DYNC2H1: variants seen among roughly 807,000 people sequenced by gnomAD.
DYNC2H1 encodes the protein cytoplasmic dynein 2 heavy chain 1.
In DYNC2H1, 410 loss-of-function variants were observed where a neutral mutation model predicts 570.0. The observed-to-expected ratio is 0.72, with a 90% CI of 0.66 to 0.78. The LOEUF is 0.78. Ranked by LOEUF, DYNC2H1 falls within the 30% of genes least tolerant of loss-of-function variation. The pLI is 0.00. For missense variants in DYNC2H1, 4,865 were observed against 5,046.4 expected, an observed-to-expected ratio of 0.96 and a Z score of 1.09; for synonymous variants, 1,688 against 1,677.6, an observed-to-expected ratio of 1.01 and a Z score of -0.15.
Position 103,189,193 on chromosome 11 carries a change from G to A in DYNC2H1, c.7293-479G>A, listed in dbSNP as rs114437496. On this transcript the variant is annotated intron_variant, in intron 44 of 88. Coordinates refer to ENST00000375735, the MANE Select transcript of DYNC2H1 (RefSeq NM_001377.3). The surrounding 1 kb of genome is among the most constrained non-coding windows in gnomAD (Gnocchi z 4.3). The stretch of plus-strand genomic sequence containing the variant: ...TTATTTGTATACTTTTGTGCTAATT[G>A]TACTCCATCAATTAAACTTTTTTTT... Among the ~76,000 whole-genome samples the A allele has an allele frequency of 2.0e-5, 3 of 151,510 alleles. No individual in the cohort carries two copies.
Position 103,451,324 on chromosome 11 carries a change from C to CTTTTTTTTT in DYNC2H1, c.12457-3843_12457-3835dup, listed in dbSNP as rs34032894. Among the ~76,000 whole-genome samples, 91 of 71,036 alleles carry CTTTTTTTTT rather than the reference C, an allele frequency of 1.3e-3. 9 individuals are homozygous for CTTTTTTTTT. The highest frequency in any genetic ancestry group is 2.4e-3 in the African/African-American group (36 of 14,836). The allele number at this position is 71,036 out of a possible 152,430, so 46.6% of individuals were successfully genotyped here. A position where few individuals can be genotyped will look rare whatever the true frequency, so the allele number is the denominator to read the frequency against. On this transcript the variant is annotated intron_variant, in intron 85 of 88. Transcript: ENST00000375735. ...AGAAATGAATCACTGAGTAAAAGGG[C>CTTTTTTTTT]TTTTTTTTTTTTTTTTTTTTTTTTT...
chr11:103,455,124 T>G, intron 85 of DYNC2H1, 62 bp from the exon 86 acceptor site: 1 of 1,227,148 alleles, frequency 8.1e-7, no homozygotes, highest in Non-Finnish European at 1.2e-6. Flanking sequence ...GAAAATGACT[T>G]AAGTCTTTAA....
chr11:103,145,918 T>C lies in DYNC2H1; in HGVS notation c.2703-1854T>C, dbSNP rs1466711894. 6.6e-6 allele frequency among the ~76,000 whole-genome samples: 1 copy of C among 152,230 alleles called. No homozygotes were observed. Among genetic ancestry groups the C allele is most frequent in the East Asian group, 1.9e-4 (1 of 5,198 alleles). ...GCACTCCGTAGTTAGTGAGTAAAAC[T>C]TCTTTGCTGTAATTAGATCACTTTA... On this transcript the variant is annotated intron_variant, in intron 18 of 88. Transcript: ENST00000375735. The surrounding 1 kb of genome is among the most constrained non-coding windows in gnomAD (Gnocchi z 4.2).
intron 82 of DYNC2H1, among the ~76,000 whole-genome samples, chr11:103,333,658 A>T (rs1938949604): frequency 6.6e-6 from 1 of 152,220 alleles, no homozygotes; most frequent in South Asian, 2.1e-4. Context: ...ATATGGGTGC[A>T]CATGACTATT....
At position 103,268,936 on chromosome 11, in the gene DYNC2H1, G is replaced by A. The variant is rs1865602339; in HGVS notation, c.10695+8959G>A. Among the ~76,000 whole-genome samples, 1 of 152,002 alleles carries A rather than the reference G, an allele frequency of 6.6e-6. No homozygotes were observed. The highest frequency in any genetic ancestry group is 2.1e-4 in the South Asian group (1 of 4,826). On this transcript the variant is annotated intron_variant, in intron 70 of 88. Transcript: ENST00000375735. This position sits in a 1 kb window ranked among gnomAD's most constrained non-coding sequence, Gnocchi z 4.6. The stretch of plus-strand genomic sequence containing the variant: ...TGTCATATTTTATAATGTAATTTGG[G>A]AAGGATAAAATGATTTAATATATTA...
In DYNC2H1 at chr11:103,127,133, T is replaced by C. The variant is rs145030021; in HGVS notation, c.1858-1777T>C. Among the ~76,000 whole-genome samples, 849 of 152,274 alleles carry C rather than the reference T, an allele frequency of 5.6e-3. 15 individuals carry two copies. Among genetic ancestry groups the C allele is most frequent in the Middle Eastern group, 6.8e-3 (2 of 294 alleles). On this transcript the variant is annotated intron_variant, in intron 12 of 88. Coordinates refer to ENST00000375735, the MANE Select transcript of DYNC2H1 (RefSeq NM_001377.3). ...TGATGTGAGTCTGGAAGAGTGTACA[T>C]ATGTTTTTCTCAAGTACACAGAGGG...
At chr11:103,345,342 T>C (rs186374440) in intron 82 of DYNC2H1, among the ~76,000 whole-genome samples, 6 of 152,318 alleles carry the variant, frequency 3.9e-5, no homozygotes, top group South Asian at 4.1e-4. Context: ...GTCTCCCTAC[T>C]GCATAAGCTC....
intron 82 of DYNC2H1, among the ~76,000 whole-genome samples, chr11:103,349,224 G>A (rs1018588430): frequency 4.6e-5 from 7 of 151,912 alleles, no homozygotes; most frequent in Non-Finnish European, 7.4e-5. Context: ...TATATGACAG[G>A]CATATGTTTA....
At chr11:103,206,203 G>A (rs768432882) in intron 52 of DYNC2H1, among the ~76,000 whole-genome samples, 2 of 152,160 alleles carry the variant, frequency 1.3e-5, no homozygotes, top group Non-Finnish European at 2.9e-5. Flanking sequence ...GTAACAGAAA[G>A]TGAGGGGTCA....
rs1003241444 is a variant in DYNC2H1, at chr11:103,244,234, A to G, written c.9918+443A>G. ...CAATTTCTTTAACTCATTGACAGAC[A>G]TCTTTAATGTATCCCAAGATTTGAT... On this transcript the variant is annotated intron_variant, in intron 64 of 88. Coordinates refer to ENST00000375735, the MANE Select transcript of DYNC2H1 (RefSeq NM_001377.3). This position sits in a 1 kb window ranked among gnomAD's most constrained non-coding sequence, Gnocchi z 4.3. Among the ~76,000 whole-genome samples, 9 of 152,100 alleles carry G rather than the reference A, an allele frequency of 5.9e-5. No homozygotes were observed. Among genetic ancestry groups the G allele is most frequent in the African/African-American group, 2.2e-4 (9 of 41,446 alleles).
chr11:103,259,621 C>T (rs1340454028), intron 69 of DYNC2H1, among the ~76,000 whole-genome samples: 2 of 151,998 alleles, frequency 1.3e-5, no homozygotes, highest in Non-Finnish European at 2.9e-5. Context: ...TGATAGGAGA[C>T]TGATATAAAA....
At chr11:103,131,704 T>C (rs1034338591) in intron 13 of DYNC2H1, among the ~76,000 whole-genome samples, 1 of 152,202 alleles carries the variant, frequency 6.6e-6, no homozygotes, top group African/African-American at 2.4e-5. Flanking sequence ...TAAATAGATA[T>C]GAAATGCATA....
At chr11:103,401,006 T>C (rs566726497) in intron 84 of DYNC2H1, among the ~76,000 whole-genome samples, 75 of 152,320 alleles carry the variant, frequency 4.9e-4, no homozygotes, top group African/African-American at 1.7e-3. Context: ...GGAGTAGATA[T>C]ATTGTCAGTC....
chr11:103,168,771 G>C lies in DYNC2H1; in HGVS notation c.4779G>C (p.Glu1593Asp), dbSNP rs1281820284. 6.2e-7 allele frequency: 1 copy of C among 1,612,740 alleles called. No individual in the cohort carries two copies. Among genetic ancestry groups the C allele is most frequent in the Non-Finnish European group, 8.5e-7 (1 of 1,179,396 alleles). Residue 1593 changes from glutamate to aspartate, a missense_variant, in exon 32 of 89, where the codon GAG becomes GAC. By Grantham distance (45) the Glu-to-Asp change is conservative. Coordinates refer to ENST00000375735, the MANE Select transcript of DYNC2H1 (RefSeq NM_001377.3). ...TCTGCCTAGAATCGGGCATCCTGGA[G>C]CTTAAACTTAAAGCCCTAATTCTTG... ...DPGNTESGIL[E>D]LKLKALILDI...
chr11:103,206,250 G>A (rs1862918802), intron 52 of DYNC2H1, among the ~76,000 whole-genome samples: 1 of 152,050 alleles, frequency 6.6e-6, no homozygotes, highest in Non-Finnish European at 1.5e-5. Context: ...GCAACTAGAA[G>A]GATGAAATGA....
chr11:103,441,402 C>T lies in DYNC2H1; in HGVS notation c.12456+5370C>T, dbSNP rs946357891. Reference sequence around the variant, plus strand: ...TACTCTCTTTTCCATCTTTATTTTTCTCTGTGGCCTATATCTTAGTCTAAT... The same window carrying T: ...TACTCTCTTTTCCATCTTTATTTTTTTCTGTGGCCTATATCTTAGTCTAAT... On this transcript the variant is annotated intron_variant, in intron 85 of 88. Coordinates refer to ENST00000375735, the MANE Select transcript of DYNC2H1 (RefSeq NM_001377.3). 2.0e-5 allele frequency among the ~76,000 whole-genome samples: 3 copies of T among 149,680 alleles called. No individual in the cohort carries two copies. The East Asian group carries it at 6.0e-4, about 30-fold the overall frequency.
chr11:103,133,214 C>T lies in DYNC2H1; in HGVS notation c.1954-341C>T, dbSNP rs1331317731. On this transcript the variant is annotated intron_variant, in intron 13 of 88. Transcript: ENST00000375735. This position sits in a 1 kb window ranked among gnomAD's most constrained non-coding sequence, Gnocchi z 4.8. ...CCAGATTGGAATCTTCTCTAGCGCC[C>T]TGTCCTGGATGTATAGGAGATAATA... is the stretch of plus-strand genomic sequence containing the variant. Among the ~76,000 whole-genome samples the T allele has an allele frequency of 1.3e-5, 2 of 152,106 alleles. No homozygotes were observed. Among genetic ancestry groups the T allele is most frequent in the Middle Eastern group, 3.2e-3 (1 of 316 alleles).
rs560925341 is a variant in DYNC2H1 at position 103,305,680 on chromosome 11, C to G, written c.11382+960C>G. Reference sequence around the variant, plus strand: ...TGAGGTATTAAAAATCTCTGCAGTCCTAATTAATTGGCAACTACACACTTC... The same window carrying G: ...TGAGGTATTAAAAATCTCTGCAGTCGTAATTAATTGGCAACTACACACTTC... On this transcript the variant is annotated intron_variant, in intron 77 of 88. Coordinates refer to ENST00000375735, the MANE Select transcript of DYNC2H1 (RefSeq NM_001377.3). The surrounding 1 kb of genome is among the most constrained non-coding windows in gnomAD (Gnocchi z 4.3). Among the ~76,000 whole-genome samples, 1 of 151,404 alleles carries G rather than the reference C, an allele frequency of 6.6e-6. No homozygotes were observed. The highest frequency in any genetic ancestry group is 2.4e-5 in the African/African-American group (1 of 41,178).
intron 75 of DYNC2H1, among the ~76,000 whole-genome samples, chr11:103,293,822 A>G (rs1866708512): frequency 6.6e-6 from 1 of 152,088 alleles, no homozygotes; most frequent in Non-Finnish European, 1.5e-5. Flanking sequence ...CACACCTGTA[A>G]TCTCAGCACT....
Sources: gnomAD v4.1 joint callset for allele counts (sites outside exome capture counted in the v4.1 genomes callset) on GRCh38, gnomAD v4.1.1 for gene constraint, Gnocchi (gnomAD v3.1) non-coding constraint, MANE v1.5 for transcripts, NCBI Gene and HGNC (gene_info 2026-07-23, HGNC 2026-07-21) for gene names.